FMN1: variants seen among roughly 807,000 people sequenced by gnomAD.
The protein encoded by FMN1 is formin 1.
FMN1 carries 110 observed loss-of-function variants against 132.4 expected under a neutral mutation model. The ratio of observed to expected loss-of-function variants is 0.83; its 90% confidence interval spans 0.71 to 0.97. The LOEUF (loss-of-function observed/expected upper bound fraction) is 0.97. FMN1 is among the 50% of genes least tolerant of loss of function. The pLI is 0.00. For missense variants in FMN1, 1,792 were observed against 1,705.3 expected (o/e 1.05, Z -0.90); for synonymous variants, 722 against 651.7 (o/e 1.11, Z -1.64).
At chr15:32,946,045 T>C (rs2061503743) in intron 9 of FMN1, among the ~76,000 whole-genome samples, 1 of 152,184 alleles carries the variant, frequency 6.6e-6, no homozygotes, top group Non-Finnish European at 1.5e-5. Context: ...CTGAGTTCCT[T>C]CCATGAATAT....
chr15:33,004,421 C>A (rs562299502), intron 7 of FMN1, among the ~76,000 whole-genome samples: 32 of 152,148 alleles, frequency 2.1e-4, no homozygotes, highest in Non-Finnish European at 4.4e-4. Context: ...TTTATGCAGC[C>A]AACAGACACA....
intron 6 of FMN1, among the ~76,000 whole-genome samples, chr15:33,026,581 CATG>C (rs1272734215): frequency 6.6e-6 from 1 of 152,124 alleles, no homozygotes; most frequent in East Asian, 1.9e-4. Flanking sequence ...GATTTTATAT[CATG>C]ATTATATAAT....
At chr15:32,782,678 T>G (rs1184375657) in intron 19 of FMN1, among the ~76,000 whole-genome samples, 1 of 152,204 alleles carries the variant, frequency 6.6e-6, no homozygotes, top group Non-Finnish European at 1.5e-5. Context: ...GGTTAGACAG[T>G]TTCTAGCTGC....
chr15:32,797,079 T>C (rs2140970378), intron 19 of FMN1, among the ~76,000 whole-genome samples: 1 of 151,250 alleles, frequency 6.6e-6, no homozygotes, highest in East Asian at 1.9e-4. Flanking sequence ...CGCCCGTGGC[T>C]GGGAATCAGA....
intron 12 of FMN1, among the ~76,000 whole-genome samples, chr15:32,907,600 C>A (rs1004881784): frequency 6.6e-6 from 1 of 152,110 alleles, no homozygotes; most frequent in African/African-American, 2.4e-5. Flanking sequence ...CCAGTGCAAG[C>A]CGGAGAACCT....
At chr15:32,878,575 A>C (rs934923132) in intron 16 of FMN1, among the ~76,000 whole-genome samples, 2 of 152,236 alleles carry the variant, frequency 1.3e-5, no homozygotes, top group Admixed American at 6.5e-5. Flanking sequence ...AAAAGGAATC[A>C]AGGAAAAGTA....
Position 32,769,735 on chromosome 15 carries a change from C to G in FMN1, c.*4575G>C, listed in dbSNP as rs1470522879. The stretch of plus-strand genomic sequence containing the variant: ...AATCCCATCAGCTTGGCCACACAGA[C>G]TGGTTTCATCTGTGTTGCAGATTTC... On this transcript the variant is annotated 3_prime_UTR_variant, in exon 21 of 21. Transcript: ENST00000616417. 1.3e-5 allele frequency: 2 copies of G among 152,214 alleles called. No individual in the cohort carries two copies. Among genetic ancestry groups the G allele is most frequent in the African/African-American group, 4.8e-5 (2 of 41,458 alleles). The allele number at this position is 152,214 out of a possible 1,614,324, so 9.4% of individuals were successfully genotyped here.
Position 32,854,130 on chromosome 15 carries a change from A to G in FMN1, c.3928+2885T>C, listed in dbSNP as rs75436080. The stretch of plus-strand genomic sequence containing the variant: ...ATATTAATCGTTTTATTTATTTAAC[A>G]TATCTAAAATGTTATCACTTTACCA... On this transcript the variant is annotated intron_variant, in intron 17 of 20. Coordinates refer to ENST00000616417, the MANE Select transcript of FMN1 (RefSeq NM_001277313.2). 7.6e-3 allele frequency among the ~76,000 whole-genome samples: 1,159 copies of G among 152,324 alleles called. 21 individuals are homozygous for G. The highest frequency in any genetic ancestry group is 0.026 in the African/African-American group (1,101 of 41,568).
chr15:33,123,971 C>CTG (rs764997505), intron 4 of FMN1, among the ~76,000 whole-genome samples: 2 of 152,216 alleles, frequency 1.3e-5, no homozygotes, highest in Admixed American at 1.3e-4. Flanking sequence ...CAATTAGATT[C>CTG]TTCCAGCTCA....
chr15:32,831,362 C>T (rs771189938), intron 17 of FMN1, among the ~76,000 whole-genome samples: 2 of 152,082 alleles, frequency 1.3e-5, no homozygotes, highest in Non-Finnish European at 2.9e-5. Context: ...GGAATACAGG[C>T]ACCTGGCTAA....
chr15:33,054,479 T>C (rs372504581), intron 6 of FMN1, among the ~76,000 whole-genome samples: 9 of 152,200 alleles, frequency 5.9e-5, no homozygotes, highest in African/African-American at 1.4e-4. Context: ...AAAAAAACTT[T>C]CAGGATGTAA....
chr15:32,909,809 C>T lies in FMN1; in HGVS notation c.3288+665G>A, dbSNP rs758412365. On this transcript the variant is annotated intron_variant, in intron 11 of 20. Coordinates refer to ENST00000616417, the MANE Select transcript of FMN1 (RefSeq NM_001277313.2). ...TCCACTTAAAACCCAAATCAAAAAC[C>T]TTATATGTGTACAGTCCTGTTGACT... Among the ~76,000 whole-genome samples the T allele has an allele frequency of 2.0e-5, 3 of 152,110 alleles. No individual in the cohort carries two copies. The East Asian group carries it at 5.8e-4, about 29-fold the overall frequency.
chr15:33,120,561 A>G (rs998517602), intron 4 of FMN1, among the ~76,000 whole-genome samples: 3 of 152,068 alleles, frequency 2.0e-5, no homozygotes, highest in Admixed American at 6.5e-5. Context: ...AGAGATTACT[A>G]TTTTTTTATG....
intron 3 of FMN1, among the ~76,000 whole-genome samples, chr15:33,157,993 CAAAAAA>C (rs71756813): frequency 3.3e-4 from 41 of 123,488 alleles, no homozygotes; most frequent in African/African-American, 9.1e-4. Flanking sequence ...CCCTGTCTTT[CAAAAAA>C]AAAAAAAAAA....
intron 12 of FMN1, among the ~76,000 whole-genome samples, chr15:32,905,766 T>TTA (rs1295350614): frequency 6.6e-6 from 1 of 152,226 alleles, no homozygotes; most frequent in Non-Finnish European, 1.5e-5. Flanking sequence ...TAAAACATGC[T>TTA]TATAGTCGAC....
intron 17 of FMN1, among the ~76,000 whole-genome samples, chr15:32,825,253 A>G (rs997419707): frequency 2.6e-5 from 4 of 152,242 alleles, no homozygotes; most frequent in African/African-American, 9.6e-5. Context: ...GAATGTAGTC[A>G]GGTTACTTTC....
Position 32,913,981 on chromosome 15 carries a change from TG to T in FMN1, c.3227-3447del, listed in dbSNP as rs1168292908. ...CCTTATAAGGCATGTATCTGAATCA[TG>T]GTTGTTTGCTTCTTCCCAATTTGAC... On this transcript the variant is annotated intron_variant, in intron 10 of 20. Transcript: ENST00000616417. 5.9e-5 allele frequency among the ~76,000 whole-genome samples: 9 copies of T among 152,172 alleles called. No individual in the cohort carries two copies. The East Asian group carries it at 1.7e-3, about 29-fold the overall frequency.
rs28377066 is a variant in FMN1, at chr15:33,154,057, G to A, written c.858C>T (p.Ser286=). 0.43 allele frequency: 654,878 copies of A among 1,535,816 alleles called. 145,118 individuals are homozygous for A. The highest frequency in any genetic ancestry group is 0.47 in the Middle Eastern group (2,812 of 5,990). The change falls in exon 4 of 21, where the codon AGC becomes AGT. Residue 286 remains serine, a synonymous_variant. Transcript: ENST00000616417. ...AACCTGTTTGCTGATGCTCCAGCCC[G>A]CTCGGCGGCCTCCGAATGCCATCCC... The part of the protein sequence containing the change: ...AGGDGIRRPP[S]GLEHQQTGLS...
intron 17 of FMN1, chr15:32,810,938 G>A (rs182433257): frequency 2.2e-6 from 1 of 455,796 alleles, no homozygotes; most frequent in African/African-American, 2.0e-5. Flanking sequence ...ATGGGAGCCG[G>A]GTGATGCTAA....
Sources: gnomAD v4.1 joint callset for allele counts (sites outside exome capture counted in the v4.1 genomes callset) on GRCh38, gnomAD v4.1.1 for gene constraint, MANE v1.5 for transcripts, NCBI Gene and HGNC (gene_info 2026-07-23, HGNC 2026-07-21) for gene names.